Variants in RTF2 observed in about 807,000 individuals in gnomAD.
RTF2 encodes UPF0549 protein C20orf43.
In RTF2, 18 loss-of-function variants were observed where a neutral mutation model predicts 38.0. That is an observed-to-expected ratio of 0.47 (90% confidence interval 0.33 to 0.70). RTF2 has a LOEUF of 0.70. Ranked by LOEUF, RTF2 falls within the 30% of genes least tolerant of loss-of-function variation. The pLI is 0.02. For missense variants in RTF2, 311 were observed against 379.6 expected, an observed-to-expected ratio of 0.82 and a Z score of 1.50; for synonymous variants, 126 against 137.1, an observed-to-expected ratio of 0.92 and a Z score of 0.57.
chr20:56,518,343 C>G lies in RTF2; in HGVS notation c.*78C>G. ...GCAGGTCGCTTTGTGCCTCTGAGTG[C>G]GCTGCTGTGTGTTCTCTCTATAGTT... On this transcript the variant is annotated 3_prime_UTR_variant, in exon 9 of 9. Coordinates refer to ENST00000357348, the MANE Select transcript of RTF2 (RefSeq NM_016407.5). 1 of 1,369,166 alleles carries G rather than the reference C, an allele frequency of 7.3e-7. No individual in the cohort carries two copies. The highest frequency in any genetic ancestry group is 1.0e-6 in the Non-Finnish European group (1 of 989,384). 84.8% of individuals were successfully genotyped at this position (1,369,166 alleles called of 1,614,324 possible).
intron 6 of RTF2, among the ~76,000 whole-genome samples, chr20:56,515,369 C>T (rs985623334): frequency 3.3e-5 from 5 of 151,990 alleles, no homozygotes; most frequent in South Asian, 2.1e-4. Context: ...GTCAGGAGTT[C>T]GAGACCAGCC....
chr20:56,491,988 T>C (rs1983178584), intron 5 of RTF2, among the ~76,000 whole-genome samples: 1 of 152,144 alleles, frequency 6.6e-6, no homozygotes, highest in African/African-American at 2.4e-5. Flanking sequence ...ACTTTCATTC[T>C]TTTAGTGATT....
chr20:56,471,002 G>A lies in RTF2; in HGVS notation c.69+2236G>A, dbSNP rs181422650. On this transcript the variant is annotated intron_variant, in intron 1 of 8. Coordinates refer to ENST00000357348, the MANE Select transcript of RTF2 (RefSeq NM_016407.5). Reference sequence around the variant, plus strand: ...AGCAAATCATCAAACTGGGCGGGGGGATCGTGGTAGCCTTTGATTTATAGA... The same window carrying A: ...AGCAAATCATCAAACTGGGCGGGGGAATCGTGGTAGCCTTTGATTTATAGA... 1.1e-3 allele frequency: 230 copies of A among 218,984 alleles called. 1 individual carries two copies. In the East Asian group the frequency reaches 0.016, roughly 15 times the overall value. 13.6% of individuals were successfully genotyped at this position (218,984 alleles called of 1,614,324 possible). A position where few individuals can be genotyped will look rare whatever the true frequency, so the allele number is the denominator to read the frequency against.
At chr20:56,471,543 G>A (rs1981966801) in intron 1 of RTF2, 1 of 152,102 alleles carries the variant, frequency 6.6e-6, no homozygotes, top group Admixed American at 6.6e-5. Flanking sequence ...ACTCCAGCCT[G>A]GGCGACAGAG....
chr20:56,517,684 C>G (rs1985138158), intron 8 of RTF2, among the ~76,000 whole-genome samples: 1 of 152,128 alleles, frequency 6.6e-6, no homozygotes, highest in Non-Finnish European at 1.5e-5. Flanking sequence ...ATTTATTTCA[C>G]AAAAAGAAAA....
chr20:56,517,958 C>T (rs148786112), intron 8 of RTF2, 129 bp from the exon 9 acceptor site: 25 of 847,122 alleles, frequency 3.0e-5, no homozygotes, highest in African/African-American at 2.0e-4. Flanking sequence ...AGATGACGTC[C>T]GCCAGCACTC....
chr20:56,471,364 C>G (rs567430235), intron 1 of RTF2, among the ~76,000 whole-genome samples: 6 of 152,010 alleles, frequency 3.9e-5, no homozygotes, highest in Non-Finnish European at 8.8e-5. Context: ...GTCAGGAGAT[C>G]GAGACCATCC....
intron 3 of RTF2, 128 bp downstream of exon 3, chr20:56,474,899 C>T (rs1253785911): frequency 3.6e-6 from 2 of 557,468 alleles, no homozygotes; most frequent in African/African-American, 3.8e-5. Context: ...CCATCTAATA[C>T]AGGTATGATC....
intron 4 of RTF2, among the ~76,000 whole-genome samples, chr20:56,479,154 T>C (rs1378037865): frequency 6.6e-6 from 1 of 152,222 alleles, no homozygotes; most frequent in Non-Finnish European, 1.5e-5. Flanking sequence ...TGGAATCAGC[T>C]TCTTCCAAAC....
Position 56,493,436 on chromosome 20 carries a change from T to C in RTF2, c.477+9247T>C, listed in dbSNP as rs562067586. 3.9e-5 allele frequency among the ~76,000 whole-genome samples: 6 copies of C among 152,156 alleles called. No individual in the cohort carries two copies. In the East Asian group the frequency reaches 1.2e-3, roughly 29 times the overall value. ...ACTTTGGGAGGCCAAAGTGGTAGGATCACTTCAGCCCAGGAGTTGAGGGCC... is the reference window on the plus strand; with the variant it reads ...ACTTTGGGAGGCCAAAGTGGTAGGACCACTTCAGCCCAGGAGTTGAGGGCC... On this transcript the variant is annotated intron_variant, in intron 5 of 8. Transcript: ENST00000357348.
rs73289018 is a variant in RTF2, at chr20:56,479,094, G to A, written c.398+1970G>A. Among the ~76,000 whole-genome samples the A allele has an allele frequency of 9.8e-3, 1,499 of 152,234 alleles. 24 individuals carry two copies. The highest frequency in any genetic ancestry group is 0.034 in the African/African-American group (1,429 of 41,512). ...TCTCTTGCCATTCTACCACATTTGC[G>A]TTACTTCCTCCACTAAAGCATTGAA... On this transcript the variant is annotated intron_variant, in intron 4 of 8. Transcript: ENST00000357348.
intron 5 of RTF2, among the ~76,000 whole-genome samples, chr20:56,485,300 A>C (rs1982735060): frequency 6.6e-6 from 1 of 152,194 alleles, no homozygotes. Context: ...GCATGTGCAA[A>C]AGCTCAGAAG....
At chr20:56,488,968 C>T (rs1982939775) in intron 5 of RTF2, among the ~76,000 whole-genome samples, 1 of 152,172 alleles carries the variant, frequency 6.6e-6, no homozygotes, top group Admixed American at 6.5e-5. Context: ...CATTGCTGTC[C>T]CCACTCTCCA....
chr20:56,475,051 T>G (rs954022058), intron 3 of RTF2, among the ~76,000 whole-genome samples: 2 of 152,268 alleles, frequency 1.3e-5, no homozygotes, highest in Non-Finnish European at 2.9e-5. Context: ...ATTTTTGTAA[T>G]TAAGATTCAC....
At chr20:56,480,130 A>G (rs1471072025) in intron 4 of RTF2, among the ~76,000 whole-genome samples, 1 of 152,116 alleles carries the variant, frequency 6.6e-6, no homozygotes, top group Non-Finnish European at 1.5e-5. Flanking sequence ...ACACAGGGCT[A>G]TTTTATCTAC....
intron 5 of RTF2, chr20:56,496,648 G>A (rs778242341): frequency 2.3e-5 from 34 of 1,495,220 alleles, no homozygotes; most frequent in African/African-American, 1.8e-4. Flanking sequence ...CCTTTTAGTC[G>A]GTTCAGGGTC....
At position 56,518,586 on chromosome 20, in the gene RTF2, G is replaced by A. The variant is rs145430282; in HGVS notation, c.*321G>A. On this transcript the variant is annotated 3_prime_UTR_variant, in exon 9 of 9. Transcript: ENST00000357348. ...AACAAGAGACTCCAGAGTCCTCACC[G>A]GTGCAGAGTTGGCACATATTAATTA... 73 of 248,524 alleles carry A rather than the reference G, an allele frequency of 2.9e-4. No individual in the cohort carries two copies. The highest frequency in any genetic ancestry group is 4.9e-4 in the Non-Finnish European group (64 of 131,336). The allele number at this position is 248,524 out of a possible 1,614,324, so 15.4% of individuals were successfully genotyped here.
chr20:56,477,464 A>G (rs886357248), intron 4 of RTF2, among the ~76,000 whole-genome samples: 1 of 152,232 alleles, frequency 6.6e-6, no homozygotes, highest in Admixed American at 6.5e-5. Flanking sequence ...CAGAAAGCAA[A>G]GAGCAAATGT....
chr20:56,474,156 C>T (rs1264598657), intron 2 of RTF2, among the ~76,000 whole-genome samples: 1 of 152,168 alleles, frequency 6.6e-6, no homozygotes, highest in Non-Finnish European at 1.5e-5. Context: ...TACATTCAGC[C>T]TTCTGACTGC....
Sources: gnomAD v4.1 joint callset for allele counts (sites outside exome capture counted in the v4.1 genomes callset) on GRCh38, gnomAD v4.1.1 for gene constraint, MANE v1.5 for transcripts, NCBI Gene and HGNC (gene_info 2026-07-23, HGNC 2026-07-21) for gene names.